Variants in SCARB2 observed in about 807,000 individuals in gnomAD.
SCARB2 encodes the protein scavenger receptor class B member 2, also known as lysosome membrane protein 2.
A neutral mutation model predicts 58.6 loss-of-function variants in SCARB2; 29 were observed. That is an observed-to-expected ratio of 0.49 (90% CI 0.37 to 0.67). The LOEUF (loss-of-function observed/expected upper bound fraction) is 0.67, where lower values mean the gene tolerates loss of function less well. SCARB2 is among the 30% of genes least tolerant of loss of function. The pLI is 0.00. For synonymous variants in SCARB2, 195 were observed against 210.1 expected, an observed-to-expected ratio of 0.93 and a Z score of 0.62; for missense variants, 488 against 578.5, an observed-to-expected ratio of 0.84 and a Z score of 1.60.
At chr4:76,166,432 T>C (rs1732010665) in intron 9 of SCARB2, 131 bp from the exon 10 acceptor site, 1 of 961,042 alleles carries the variant, frequency 1.0e-6, no homozygotes, top group Non-Finnish European at 1.7e-6. Flanking sequence ...GCTGATTTCT[T>C]AGTTATCTTT....
intron 1 of SCARB2, among the ~76,000 whole-genome samples, chr4:76,227,457 T>TC (rs1435925652): frequency 6.6e-6 from 1 of 152,246 alleles, no homozygotes; most frequent in East Asian, 1.9e-4. Flanking sequence ...TTGTGGCCTA[T>TC]CATATGGTCT....
At chr4:76,185,790 T>C (rs1488936286) in intron 2 of SCARB2, among the ~76,000 whole-genome samples, 1 of 152,190 alleles carries the variant, frequency 6.6e-6, no homozygotes, top group African/African-American at 2.4e-5. Flanking sequence ...TAAGAAGTGA[T>C]TGGGCATACA....
At chr4:76,207,162 G>T (rs1044080198) in intron 1 of SCARB2, among the ~76,000 whole-genome samples, 2 of 152,136 alleles carry the variant, frequency 1.3e-5, no homozygotes, top group South Asian at 4.1e-4. Flanking sequence ...TATCATTTGC[G>T]TTTTTAATTC....
chr4:76,219,868 A>G (rs772706275), intron 1 of SCARB2, among the ~76,000 whole-genome samples: 27 of 152,208 alleles, frequency 1.8e-4, no homozygotes, highest in Non-Finnish European at 2.4e-4. Context: ...ATGATTACCT[A>G]GAAGCCTCCT....
rs527309883 is a variant in SCARB2 at position 76,173,026 on chromosome 4, G to C, written c.994+1118C>G. On this transcript the variant is annotated intron_variant, in intron 7 of 11. Coordinates refer to ENST00000264896, the MANE Select transcript of SCARB2 (RefSeq NM_005506.4). ...CGCATCAAAATCACGTTCCCTCTCTGAGCCCTAGTTTCCCCAATTATAAAA... is the reference window on the plus strand; with the variant it reads ...CGCATCAAAATCACGTTCCCTCTCTCAGCCCTAGTTTCCCCAATTATAAAA... The C allele has an allele frequency of 2.0e-5, 3 of 152,208 alleles. No individual in the cohort carries two copies. The East Asian group carries it at 5.8e-4, about 29-fold the overall frequency. The allele number at this position is 152,208 out of a possible 1,614,324, so 9.4% of individuals were successfully genotyped here.
intron 2 of SCARB2, chr4:76,192,968 G>C (rs1227367323): frequency 2.6e-5 from 4 of 152,232 alleles, no homozygotes; most frequent in African/African-American, 7.2e-5. Flanking sequence ...CAAGACAATG[G>C]GTAAAAGGCC....
At position 76,166,311 on chromosome 4, in the gene SCARB2, CA is replaced by C. The variant is rs796052945; in HGVS notation, c.1188-11del. 345 of 1,613,960 alleles carry C rather than the reference CA, an allele frequency of 2.1e-4. No homozygotes were observed. The Middle Eastern group carries it at 2.3e-3, about 11-fold the overall frequency. ...AATGTCTCCCGTTTCACTACAAAGA[CA>C]AAGGATGAGATTGTTTCAGAAACAT... is the stretch of plus-strand genomic sequence containing the variant. On this transcript the variant is annotated splice_polypyrimidine_tract_variant and intron_variant, in intron 9 of 11. Transcript: ENST00000264896.
chr4:76,187,302 C>A (rs1732507798), intron 2 of SCARB2, among the ~76,000 whole-genome samples: 1 of 152,072 alleles, frequency 6.6e-6, no homozygotes, highest in South Asian at 2.1e-4. Context: ...AAGCAGTTGC[C>A]CCAAATGAAA....
Position 76,175,803 on chromosome 4 carries a change from G to A in SCARB2, c.812C>T (p.Ser271Phe). The A allele has an allele frequency of 6.2e-7, 1 of 1,614,034 alleles. No individual in the cohort carries two copies. Among genetic ancestry groups the A allele is most frequent in the Non-Finnish European group, 8.5e-7 (1 of 1,180,004 alleles). The part of the protein sequence containing the change: ...TKDEVLYVFP[S>F]DFCRSVYITF... ...TTAAAGCTTTTACCTGCAAAAGTCA[G>A]ATGGGAAGACATAAAGGACCTCATC... The change falls in exon 6 of 12, where the codon TCT (serine) becomes TTT (phenylalanine). Residue 271 changes from serine (S) to phenylalanine (F), a missense_variant. By Grantham distance (155) the Ser-to-Phe change is radical. Coordinates refer to ENST00000264896, the MANE Select transcript of SCARB2 (RefSeq NM_005506.4).
intron 1 of SCARB2, among the ~76,000 whole-genome samples, chr4:76,219,863 T>C (rs180719177): frequency 1.3e-5 from 2 of 152,304 alleles, no homozygotes; most frequent in East Asian, 3.9e-4. Context: ...CTGAAATGAT[T>C]ACCTAGAAGC....
chr4:76,179,446 T>TA, intron 4 of SCARB2, 71 bp downstream of exon 4: 1 of 1,069,384 alleles, frequency 9.4e-7, no homozygotes, highest in African/African-American at 1.6e-5. Context: ...AACTCAAAGT[T>TA]AATCTGGCTT....
At chr4:76,215,433 G>A (rs570449813), upstream of SCARB2, among the ~76,000 whole-genome samples, 1 of 152,202 alleles carries the variant, frequency 6.6e-6, no homozygotes, top group Non-Finnish European at 1.5e-5. Flanking sequence ...ATGAGAATCT[G>A]AGGACAGCAA....
intron 10 of SCARB2, chr4:76,165,989 T>C: frequency 3.5e-6 from 2 of 569,060 alleles, no homozygotes; most frequent in South Asian, 2.0e-5. Context: ...TTCTGTTTCC[T>C]ACGTGAGCAG....
chr4:76,200,970 T>A (rs751421827), intron 1 of SCARB2, among the ~76,000 whole-genome samples: 1 of 152,170 alleles, frequency 6.6e-6, no homozygotes, highest in Non-Finnish European at 1.5e-5. Flanking sequence ...GAGAAGCCTG[T>A]CAAAAGTGCC....
At chr4:76,191,318 A>G (rs4416503) in intron 2 of SCARB2, among the ~76,000 whole-genome samples, 4,077 of 152,298 alleles carry the variant, frequency 0.027, 144 homozygotes, top group African/African-American at 0.084. Flanking sequence ...GACTAAAACA[A>G]TTAATCTACG....
At chr4:76,173,779 C>T (rs1732184079) in intron 7 of SCARB2, 2 of 309,084 alleles carry the variant, frequency 6.5e-6, no homozygotes, top group Non-Finnish European at 1.2e-5. Flanking sequence ...GACTTCTAAA[C>T]CACTGTCCAG....
At chr4:76,210,398 G>A (rs748684831) in intron 1 of SCARB2, among the ~76,000 whole-genome samples, 11 of 152,166 alleles carry the variant, frequency 7.2e-5, no homozygotes, top group Non-Finnish European at 1.3e-4. Flanking sequence ...GAGTGAAGAG[G>A]CATTTAATAT....
rs942457548 is a variant in SCARB2 at position 76,172,276 on chromosome 4, T to C, written c.994+1868A>G. 3.3e-5 allele frequency among the ~76,000 whole-genome samples: 5 copies of C among 151,318 alleles called. No homozygotes were observed. The East Asian group carries it at 9.7e-4, about 29-fold the overall frequency. On this transcript the variant is annotated intron_variant, in intron 7 of 11. Coordinates refer to ENST00000264896, the MANE Select transcript of SCARB2 (RefSeq NM_005506.4). ...AATTTTTTATATATATATAATTTTT[T>C]TGTTTTTTGAGACCAGGTCTCACTC...
At chr4:76,229,024 C>A (rs1733448389) in intron 1 of SCARB2, among the ~76,000 whole-genome samples, 1 of 152,116 alleles carries the variant, frequency 6.6e-6, no homozygotes, top group Non-Finnish European at 1.5e-5. Flanking sequence ...ACGCTTTATT[C>A]ATTTTTTTAA....
Sources: gnomAD v4.1 joint callset for allele counts (sites outside exome capture counted in the v4.1 genomes callset) on GRCh38, gnomAD v4.1.1 for gene constraint, MANE v1.5 for transcripts, NCBI Gene and HGNC (gene_info 2026-07-23, HGNC 2026-07-21) for gene names.